Variants in SPG11 observed in about 807,000 individuals in gnomAD.
SPG11 encodes the protein spatacsin.
SPG11 carries 222 observed loss-of-function variants against 274.0 expected under a neutral mutation model. The ratio of observed to expected loss-of-function variants is 0.81; its 90% CI spans 0.73 to 0.91. The LOEUF (loss-of-function observed/expected upper bound fraction) is 0.91. SPG11 is among the 40% of genes least tolerant of loss of function. The probability of loss-of-function intolerance (pLI) is 0.00; values close to 1 mark genes in which losing one functional copy is unlikely to be tolerated. For missense variants in SPG11, 3,114 were observed against 2,872.7 expected, an observed-to-expected ratio of 1.08 and a Z score of -1.92; for synonymous variants, 1,144 against 1,039.7, an observed-to-expected ratio of 1.10 and a Z score of -1.93.
At chr15:44,567,013 AG>A (rs1186765630) in intron 36 of SPG11, among the ~76,000 whole-genome samples, 1 of 151,932 alleles carries the variant, frequency 6.6e-6, no homozygotes, top group Admixed American at 6.6e-5. Flanking sequence ...ACCTACCTCA[AG>A]ATTCTAATAG....
At chr15:44,607,318 G>T (rs2083347215) in intron 19 of SPG11, among the ~76,000 whole-genome samples, 1 of 152,202 alleles carries the variant, frequency 6.6e-6, no homozygotes, top group Non-Finnish European at 1.5e-5. Context: ...GTCTCGCTCT[G>T]TTGCCCAGGC....
intron 18 of SPG11, 31 bp downstream of exon 18, chr15:44,610,809 G>A: frequency 6.3e-7 from 1 of 1,599,356 alleles, no homozygotes; most frequent in Non-Finnish European, 8.6e-7. Flanking sequence ...TTAAAAATCA[G>A]TCCTATTTTG....
rs772999696 is a variant in SPG11 at position 44,569,406 on chromosome 15, A to C, written c.6577T>G (p.Leu2193Val). The change falls in exon 35 of 40, where the codon TTG becomes GTG. Residue 2193 changes from leucine (L) to valine (V), a missense_variant. By Grantham distance (32) the Leu-to-Val change is conservative (BLOSUM62 1). Coordinates refer to ENST00000261866, the MANE Select transcript of SPG11 (RefSeq NM_025137.4). Reference sequence around the variant, plus strand: ...CATTACTTTGCACCTACCGGATCCAACTTCTTCCTCATTAGCACTTCAAAG... The same window carrying C: ...CATTACTTTGCACCTACCGGATCCACCTTCTTCCTCATTAGCACTTCAAAG... ...HYFEVLMRKK[L>V]DPSGTLKTAL... is the part of the protein sequence containing the mutation. 5 of 1,601,404 alleles carry C rather than the reference A, an allele frequency of 3.1e-6. No individual in the cohort carries two copies. Among genetic ancestry groups the C allele is most frequent in the Non-Finnish European group, 4.3e-6 (5 of 1,172,804 alleles).
intron 20 of SPG11, among the ~76,000 whole-genome samples, chr15:44,601,229 T>C (rs368365601): frequency 1.3e-5 from 2 of 152,218 alleles, no homozygotes; most frequent in African/African-American, 2.4e-5. Context: ...TATTTAAGAA[T>C]TGTATATATT....
rs770008849 is a variant in SPG11, at chr15:44,573,529, C to T, written c.6205+18G>A. The T allele has an allele frequency of 1.2e-6, 2 of 1,613,986 alleles. No homozygotes were observed. Among genetic ancestry groups the T allele is most frequent in the South Asian group, 1.1e-5 (1 of 91,064 alleles). On this transcript the variant is annotated intron_variant, in intron 32 of 39. Coordinates refer to ENST00000261866, the MANE Select transcript of SPG11 (RefSeq NM_025137.4). ...GAATGCTGTCAGAGAGGTTGGGAAT[C>T]CCCGGGGGGTAGGGCACCTGTTCCC...
chr15:44,660,551 C>G lies in SPG11; in HGVS notation c.323G>C (p.Gly108Ala). The G allele has an allele frequency of 6.2e-7, 1 of 1,614,164 alleles. No homozygotes were observed. Among genetic ancestry groups the G allele is most frequent in the Non-Finnish European group, 8.5e-7 (1 of 1,180,030 alleles). The change falls in exon 2 of 40, where the codon GGT becomes GCT. Residue 108 changes from glycine (G) to alanine (A), a missense_variant. Transcript: ENST00000261866. The part of the protein sequence containing the change: ...PTEKPKLLAL[G>A]ENYELLIYEF... The stretch of plus-strand genomic sequence containing the variant: ...ATAGATAAGCAGTTCATAATTTTCA[C>G]CAAGAGCGAGCAGTTTGGGCTTTTC...
chr15:44,586,756 G>T (rs538380731), intron 28 of SPG11, among the ~76,000 whole-genome samples: 1 of 152,342 alleles, frequency 6.6e-6, no homozygotes, highest in Non-Finnish European at 1.5e-5. Context: ...ACAGTAGGAA[G>T]ATTTTAGTCA....
intron 1 of SPG11, among the ~76,000 whole-genome samples, chr15:44,663,159 C>T (rs756711825): frequency 2.6e-5 from 4 of 152,246 alleles, no homozygotes; most frequent in African/African-American, 4.8e-5. Flanking sequence ...CGTCTCCGCC[C>T]ACCCGGAACA....
At chr15:44,616,028 T>C (rs1425052591) in intron 15 of SPG11, among the ~76,000 whole-genome samples, 1 of 152,172 alleles carries the variant, frequency 6.6e-6, no homozygotes, top group Non-Finnish European at 1.5e-5. Flanking sequence ...TGTTACATCA[T>C]ATATACCAAA....
chr15:44,603,465 A>C (rs1332174892), intron 20 of SPG11, among the ~76,000 whole-genome samples: 1 of 152,160 alleles, frequency 6.6e-6, no homozygotes. Context: ...GTTATCACTT[A>C]CTTTCTGATG....
chr15:44,633,359 A>AAAAAAAAAAAG (rs1567177921), intron 8 of SPG11, 146 bp downstream of exon 8: 3 of 356,616 alleles, frequency 8.4e-6, no homozygotes, highest in Non-Finnish European at 9.6e-6. Context: ...AAAAAAAAAA[A>AAAAAAAAAAAG]AAAGAAAGTT....
At position 44,651,513 on chromosome 15, in the gene SPG11, C is replaced by T; in HGVS notation, c.1434G>A (p.Gln478=). The T allele has an allele frequency of 6.2e-7, 1 of 1,614,152 alleles. No homozygotes were observed. Among genetic ancestry groups the T allele is most frequent in the Non-Finnish European group, 8.5e-7 (1 of 1,179,986 alleles). The change falls in exon 6 of 40, where the codon CAG becomes CAA. Residue 478 remains glutamine, a synonymous_variant. Transcript: ENST00000261866. The stretch of plus-strand genomic sequence containing the variant: ...CACCTGTCAAAACAAAGCACAGCTG[C>T]TGGTCTCCACTACTGTCTACAGGAA... ...KCIPVDSSGD[Q]QLCFVLTENG... is the part of the protein sequence containing the mutation.
chr15:44,581,936 A>G (rs2140943421), intron 30 of SPG11, among the ~76,000 whole-genome samples: 1 of 152,322 alleles, frequency 6.6e-6, no homozygotes, highest in South Asian at 2.1e-4. Flanking sequence ...ACAATAAATT[A>G]AAATGGAAGA....
rs558957348 is a variant in SPG11, at chr15:44,566,035, A to G, written c.6844-26T>C. ...CTGAGGAACAAGGGTGGAGAGGCAC[A>G]GTAGAGAAAGACCTAGTTGTCACCT... On this transcript the variant is annotated intron_variant, in intron 37 of 39. Transcript: ENST00000261866. 2.4e-5 allele frequency: 39 copies of G among 1,613,118 alleles called. 1 individual carries two copies. In the South Asian group the frequency reaches 4.3e-4, roughly 18 times the overall value.
intron 26 of SPG11, among the ~76,000 whole-genome samples, chr15:44,592,891 T>C (rs1402376134): frequency 6.6e-6 from 1 of 151,860 alleles, no homozygotes; most frequent in African/African-American, 2.4e-5. Flanking sequence ...ACTCGGGAAG[T>C]TGAGGGAGGA....
chr15:44,633,106 G>C lies in SPG11; in HGVS notation c.1735+399C>G, dbSNP rs563939568. ...CACGCCTGTAATCCCAGCACTCTGGGAGGCAGAGGATTGTTTGAGCCCAGG... is the reference window on the plus strand; with the variant it reads ...CACGCCTGTAATCCCAGCACTCTGGCAGGCAGAGGATTGTTTGAGCCCAGG... On this transcript the variant is annotated intron_variant, in intron 8 of 39. Coordinates refer to ENST00000261866, the MANE Select transcript of SPG11 (RefSeq NM_025137.4). Among the ~76,000 whole-genome samples, 9 of 151,724 alleles carry C rather than the reference G, an allele frequency of 5.9e-5. No homozygotes were observed. The South Asian group carries it at 6.2e-4, about 11-fold the overall frequency.
intron 20 of SPG11, among the ~76,000 whole-genome samples, chr15:44,602,500 A>G (rs964086044): frequency 2.3e-4 from 33 of 146,568 alleles, no homozygotes; most frequent in African/African-American, 8.1e-4. Context: ...TTTTTTTGAG[A>G]TGGAGTCTTG....
chr15:44,620,659 C>T (rs2083718810), intron 14 of SPG11: 1 of 417,764 alleles, frequency 2.4e-6, no homozygotes, highest in East Asian at 4.8e-5. Flanking sequence ...TTCAGCTGCC[C>T]AAGTAGCAGG....
intron 20 of SPG11, among the ~76,000 whole-genome samples, chr15:44,601,998 T>A (rs560591786): frequency 2.6e-5 from 4 of 152,244 alleles, no homozygotes; most frequent in African/African-American, 7.2e-5. Context: ...TGGGATAGTT[T>A]TGTTCATTAT....
Sources: gnomAD v4.1 joint callset for allele counts (sites outside exome capture counted in the v4.1 genomes callset) on GRCh38, gnomAD v4.1.1 for gene constraint, MANE v1.5 for transcripts, NCBI Gene and HGNC (gene_info 2026-07-23, HGNC 2026-07-21) for gene names.